The following SEMA6D variants were observed in gnomAD, a reference collection of about 807,000 sequenced individuals.
SEMA6D encodes the protein semaphorin 6D.
Under a neutral mutation model 106.6 loss-of-function variants are expected in SEMA6D, and 35 were observed. The ratio of observed to expected loss-of-function variants is 0.33; its 90% CI spans 0.25 to 0.44. SEMA6D has a LOEUF of 0.44. Ranked by LOEUF, SEMA6D falls within the 20% of genes least tolerant of loss-of-function variation. The pLI is 1.00. For synonymous variants in SEMA6D, 499 were observed against 487.7 expected, an observed-to-expected ratio of 1.02 and a Z score of -0.31; for missense variants, 1,185 against 1,345.9, an observed-to-expected ratio of 0.88 and a Z score of 1.87.
intron 1 of SEMA6D, among the ~76,000 whole-genome samples, chr15:47,310,425 A>G (rs920490717): frequency 6.6e-6 from 1 of 152,120 alleles, no homozygotes; most frequent in Non-Finnish European, 1.5e-5. Context: ...ACTTATTTTA[A>G]ATAGTCATTA....
intron 1 of SEMA6D, among the ~76,000 whole-genome samples, chr15:47,294,770 A>AT (rs2035739691): frequency 6.6e-6 from 1 of 152,098 alleles, no homozygotes; most frequent in Non-Finnish European, 1.5e-5. Flanking sequence ...CCTACCTATA[A>AT]TTGAAAGGCT....
chr15:47,630,127 C>T (rs1158431506), intron 4 of SEMA6D, among the ~76,000 whole-genome samples: 1 of 151,870 alleles, frequency 6.6e-6, no homozygotes, highest in Non-Finnish European at 1.5e-5. Context: ...AAACTCCATA[C>T]TGTTTTCCCT....
chr15:47,384,393 C>G (rs2039746386), intron 1 of SEMA6D, among the ~76,000 whole-genome samples: 1 of 152,220 alleles, frequency 6.6e-6, no homozygotes, highest in South Asian at 2.1e-4. Context: ...ACATCTTTAT[C>G]TGCTTCCCAC....
intron 1 of SEMA6D, chr15:47,380,537 T>G (rs2039604104): frequency 6.6e-6 from 1 of 152,248 alleles, no homozygotes; most frequent in South Asian, 2.1e-4. Flanking sequence ...TGAAAACAGC[T>G]GTTTATTTTC....
At chr15:47,446,740 G>A (rs1469694892) in intron 2 of SEMA6D, among the ~76,000 whole-genome samples, 1 of 152,044 alleles carries the variant, frequency 6.6e-6, no homozygotes, top group Non-Finnish European at 1.5e-5. Flanking sequence ...AGGTACAGCT[G>A]GTGTGCTGGA....
intron 2 of SEMA6D, 40 bp downstream of exon 2, chr15:47,759,947 A>G: frequency 7.0e-7 from 1 of 1,430,764 alleles, no homozygotes; most frequent in Non-Finnish European, 9.9e-7. Flanking sequence ...CTGAGAAGGA[A>G]GCTTTTCTGT....
upstream of SEMA6D, among the ~76,000 whole-genome samples, chr15:47,716,203 T>C (rs2079111257): frequency 6.6e-6 from 1 of 152,160 alleles, no homozygotes; most frequent in Admixed American, 6.5e-5. Context: ...GAGTCTATAT[T>C]TTAAAAGACT....
chr15:47,408,700 A>G (rs965721519), intron 1 of SEMA6D, among the ~76,000 whole-genome samples: 3 of 152,256 alleles, frequency 2.0e-5, no homozygotes, highest in Non-Finnish European at 4.4e-5. Context: ...CACAATGAGG[A>G]AAGACACACA....
At chr15:47,254,878 TGTGTGTGTGTGTGTGTG>T (rs2033717248) in intron 1 of SEMA6D, among the ~76,000 whole-genome samples, 1 of 135,036 alleles carries the variant, frequency 7.4e-6, no homozygotes, top group African/African-American at 2.9e-5. Flanking sequence ...TGTGGTTTTG[TGTGTGTGTGTGTGTGTG>T]TGTGTGTGTG....
intron 1 of SEMA6D, among the ~76,000 whole-genome samples, chr15:47,300,945 A>G (rs1442349751): frequency 6.6e-6 from 1 of 152,246 alleles, no homozygotes; most frequent in African/African-American, 2.4e-5. Flanking sequence ...ATTGCCTGCA[A>G]GAAAATAATT....
intron 1 of SEMA6D, among the ~76,000 whole-genome samples, chr15:47,282,305 C>T (rs1054967535): frequency 5.9e-5 from 9 of 152,092 alleles, no homozygotes; most frequent in Non-Finnish European, 7.4e-5. Flanking sequence ...TTTGTGTAAA[C>T]GGATTTATGC....
At chr15:47,629,315 A>C (rs1017149485) in intron 4 of SEMA6D, among the ~76,000 whole-genome samples, 6 of 152,028 alleles carry the variant, frequency 3.9e-5, no homozygotes, top group Admixed American at 3.9e-4. Context: ...CTAGAAAACT[A>C]TTGCTAGAAG....
chr15:47,332,512 TG>T (rs1015888111), intron 1 of SEMA6D, among the ~76,000 whole-genome samples: 3 of 152,206 alleles, frequency 2.0e-5, no homozygotes, highest in African/African-American at 7.2e-5. Flanking sequence ...TGTCCCTAGG[TG>T]GCACAAAACG....
intron 1 of SEMA6D, among the ~76,000 whole-genome samples, chr15:47,320,073 G>A (rs1297978058): frequency 6.6e-6 from 1 of 152,064 alleles, no homozygotes; most frequent in Non-Finnish European, 1.5e-5. Flanking sequence ...AAAAACATAT[G>A]TTCACCTCTT....
At chr15:47,314,427 T>A (rs2036562755) in intron 1 of SEMA6D, among the ~76,000 whole-genome samples, 1 of 149,502 alleles carries the variant, frequency 6.7e-6, no homozygotes, top group Non-Finnish European at 1.5e-5. Context: ...TGAAACCCCG[T>A]CTCTACTAAA....
At chr15:47,209,055 A>G (rs1895306093) in intron 1 of SEMA6D, among the ~76,000 whole-genome samples, 2 of 152,204 alleles carry the variant, frequency 1.3e-5, no homozygotes, top group Non-Finnish European at 2.9e-5. Context: ...GTTTTCTGCA[A>G]TAGCTAGACC....
chr15:47,560,230 T>C (rs1026801334), intron 3 of SEMA6D, among the ~76,000 whole-genome samples: 2 of 151,554 alleles, frequency 1.3e-5, no homozygotes, highest in African/African-American at 4.8e-5. Context: ...ATGCAGTAAA[T>C]AAAAACTGGA....
chr15:47,613,799 C>T (rs532959945), intron 4 of SEMA6D, among the ~76,000 whole-genome samples: 8 of 152,036 alleles, frequency 5.3e-5, no homozygotes, highest in Non-Finnish European at 1.2e-4. Flanking sequence ...GGATTACAGG[C>T]GCCCGCCACC....
chr15:47,214,651 G>A (rs2030386097), intron 1 of SEMA6D, among the ~76,000 whole-genome samples: 1 of 152,068 alleles, frequency 6.6e-6, no homozygotes, highest in African/African-American at 2.4e-5. Flanking sequence ...ATTCTCTTTG[G>A]ACTCTCTAAT....
Sources: allele counts gnomAD v4.1 joint callset (sites outside exome capture counted in the v4.1 genomes callset), GRCh38; gene constraint gnomAD v4.1.1; transcripts MANE v1.5; gene names NCBI Gene and HGNC (gene_info 2026-07-23, HGNC 2026-07-21).